The following KLHL7 variants were observed in gnomAD, a reference collection of about 807,000 sequenced individuals.
The protein encoded by KLHL7 is kelch like family member 7, also known as kelch-like protein 7.
A neutral mutation model predicts 67.4 loss-of-function variants in KLHL7; 44 were observed. That is an observed-to-expected ratio of 0.65 (90% CI 0.51 to 0.84). The LOEUF is 0.84. Among genes scored for constraint, KLHL7 ranks in the 40% least tolerant of loss-of-function variants. The pLI is 0.00. For synonymous variants in KLHL7, 252 were observed against 243.3 expected, an observed-to-expected ratio of 1.04 and a Z score of -0.33; for missense variants, 362 against 718.1, an observed-to-expected ratio of 0.50 and a Z score of 5.67.
chr7:23,157,636 A>G (rs1037098629), intron 7 of KLHL7, among the ~76,000 whole-genome samples: 1 of 152,110 alleles, frequency 6.6e-6, no homozygotes, highest in Admixed American at 6.5e-5. Flanking sequence ...AAGTACCTCC[A>G]TAATACACTG....
chr7:23,145,331 A>G (rs560325160), intron 6 of KLHL7, among the ~76,000 whole-genome samples: 1 of 146,226 alleles, frequency 6.8e-6, no homozygotes, highest in East Asian at 2.0e-4. Context: ...TAATTTCTGG[A>G]GTTTTTATTC....
Position 23,174,939 on chromosome 7 carries a change from T to G in KLHL7, c.*641T>G, listed in dbSNP as rs1420715217. On this transcript the variant is annotated 3_prime_UTR_variant, in exon 11 of 11. Transcript: ENST00000339077. ...CAATCCACTTAAATATATTCCATCT[T>G]TTTAACATAAAATGTAAAGCTTAGC... The G allele has an allele frequency of 4.4e-6, 2 of 453,672 alleles. No homozygotes were observed. Among genetic ancestry groups the G allele is most frequent in the Non-Finnish European group, 8.8e-6 (2 of 226,498 alleles). The allele number at this position is 453,672 out of a possible 1,614,324, so 28.1% of individuals were successfully genotyped here.
intron 4 of KLHL7, among the ~76,000 whole-genome samples, chr7:23,133,764 T>C (rs1353331257): frequency 1.3e-5 from 2 of 152,220 alleles, no homozygotes; most frequent in Admixed American, 1.3e-4. Flanking sequence ...TGTTCACTGT[T>C]GGTGTATAGT....
intron 8 of KLHL7, among the ~76,000 whole-genome samples, chr7:23,167,415 A>T (rs1420582672): frequency 1.3e-5 from 2 of 152,154 alleles, no homozygotes; most frequent in African/African-American, 4.8e-5. Context: ...ATATGATCAG[A>T]TAGTAGTTTT....
chr7:23,163,046 T>A (rs1376083143), intron 7 of KLHL7, among the ~76,000 whole-genome samples: 1 of 152,248 alleles, frequency 6.6e-6, no homozygotes, highest in East Asian at 1.9e-4. Context: ...AGGATCTATG[T>A]GTTTTCAGAA....
intron 6 of KLHL7, among the ~76,000 whole-genome samples, chr7:23,148,061 A>C (rs529815776): frequency 1.3e-5 from 2 of 152,296 alleles, no homozygotes; most frequent in South Asian, 4.1e-4. Context: ...AACAATTTCT[A>C]GGTTTCCAGT....
intron 1 of KLHL7, chr7:23,106,743 C>T (rs565919467): frequency 2.0e-6 from 2 of 990,508 alleles, no homozygotes; most frequent in East Asian, 1.1e-4. Flanking sequence ...GCTCTTTGTT[C>T]TGTCCTTGGT....
In KLHL7 at chr7:23,175,406, A is replaced by AT. The variant is rs1273960451; in HGVS notation, c.*1114dup. On this transcript the variant is annotated 3_prime_UTR_variant, in exon 11 of 11. Transcript: ENST00000339077. ...ATGTTTTTATCTGATAATATTAAATATTTTTTAACTTAAAATAGGCCACTC... is the reference window on the plus strand; with the variant it reads ...ATGTTTTTATCTGATAATATTAAATATTTTTTTAACTTAAAATAGGCCACTC... 6.8e-6 allele frequency: 3 copies of AT among 438,296 alleles called. No homozygotes were observed. The highest frequency in any genetic ancestry group is 4.1e-5 in the African/African-American group (2 of 49,062). 27.2% of individuals were successfully genotyped at this position (438,296 alleles called of 1,614,324 possible).
chr7:23,117,785 A>C, intron 1 of KLHL7: 1 of 1,517,444 alleles, frequency 6.6e-7, no homozygotes, highest in South Asian at 1.2e-5. Context: ...AATCCAAGAA[A>C]ATTATTTACC....
intron 10 of KLHL7, 102 bp downstream of exon 10, chr7:23,173,147 T>C: frequency 1.3e-6 from 1 of 764,404 alleles, no homozygotes; most frequent in Non-Finnish European, 2.3e-6. Context: ...GCATTTACCA[T>C]GTATATTATT....
At chr7:23,156,087 C>T in intron 7 of KLHL7, 1 of 418,680 alleles carries the variant, frequency 2.4e-6, no homozygotes, top group South Asian at 1.8e-5. Context: ...ATAAATGAGT[C>T]ATTCCTAATT....
At chr7:23,152,369 A>G (rs1484725356) in intron 7 of KLHL7, among the ~76,000 whole-genome samples, 160 bp downstream of exon 7, 1 of 152,244 alleles carries the variant, frequency 6.6e-6, no homozygotes, top group Admixed American at 6.5e-5. Context: ...TTTTACAGAT[A>G]AGGAAATCAG....
At chr7:23,117,842 A>G (rs937992041) in intron 1 of KLHL7, 4 of 1,610,810 alleles carry the variant, frequency 2.5e-6, no homozygotes, top group Non-Finnish European at 2.5e-6. Context: ...AGTGATTTAA[A>G]TCTACCACCC....
intron 5 of KLHL7, 52 bp from the exon 6 acceptor site, chr7:23,143,799 T>A: frequency 1.9e-6 from 3 of 1,544,796 alleles, no homozygotes; most frequent in Non-Finnish European, 2.7e-6. Context: ...CATAGGTAAT[T>A]GGAAATGTTG....
intron 4 of KLHL7, among the ~76,000 whole-genome samples, chr7:23,139,948 A>G (rs143703986): frequency 2.1e-5 from 3 of 141,544 alleles, no homozygotes; most frequent in East Asian, 4.1e-4. Context: ...TGTAAAAGCT[A>G]TTCTTAGTTG....
chr7:23,117,997 T>C, intron 1 of KLHL7: 2 of 1,612,908 alleles, frequency 1.2e-6, no homozygotes, highest in East Asian at 2.2e-5. Flanking sequence ...CTTTGGGATA[T>C]AACAAAGAAT....
chr7:23,154,570 C>T (rs1014080703), intron 7 of KLHL7, among the ~76,000 whole-genome samples: 4 of 152,058 alleles, frequency 2.6e-5, no homozygotes, highest in African/African-American at 9.7e-5. Flanking sequence ...TTCTGGTCTC[C>T]AGAAATGGTT....
At chr7:23,159,930 T>C in intron 7 of KLHL7, among the ~76,000 whole-genome samples, 1 of 152,204 alleles carries the variant, frequency 6.6e-6, no homozygotes, top group East Asian at 1.9e-4. Flanking sequence ...TTCCTTTCTT[T>C]GCTCTCCTTC....
Position 23,172,968 on chromosome 7 carries a change from T to A in KLHL7, c.1400T>A (p.Met467Lys). ...TTCAGATGGACTGAGCTGTGTCCAA[T>A]GATTGAAGCCAGGAAGAATCATGGG... The part of the protein sequence containing the change: ...ATETWTELCP[M>K]IEARKNHGLV... The change falls in exon 10 of 11, where the codon ATG becomes AAG. Residue 467 changes from methionine (M) to lysine (K), a missense_variant. By Grantham distance (95) the Met-to-Lys change is moderately conservative (BLOSUM62 -1). Coordinates refer to ENST00000339077, the MANE Select transcript of KLHL7 (RefSeq NM_001031710.3). 1 of 1,613,718 alleles carries A rather than the reference T, an allele frequency of 6.2e-7. No individual in the cohort carries two copies. Among genetic ancestry groups the A allele is most frequent in the Non-Finnish European group, 8.5e-7 (1 of 1,179,722 alleles).
Sources: allele counts gnomAD v4.1 joint callset (sites outside exome capture counted in the v4.1 genomes callset), GRCh38; gene constraint gnomAD v4.1.1; transcripts MANE v1.5; gene names NCBI Gene and HGNC (gene_info 2026-07-23, HGNC 2026-07-21).